Variants in PRR16 observed in about 807,000 individuals in gnomAD.
The protein encoded by PRR16 is proline rich 16, also known as protein Largen.
PRR16 carries 6 observed loss-of-function variants against 18.2 expected under a neutral mutation model. The ratio of observed to expected loss-of-function variants is 0.33; its 90% CI spans 0.18 to 0.65. The LOEUF (loss-of-function observed/expected upper bound fraction) is 0.65. PRR16 is among the 30% of genes least tolerant of loss of function. The pLI is 0.74. For missense variants in PRR16, 412 were observed against 376.6 expected (o/e 1.09, Z -0.78); for synonymous variants, 151 against 147.8 (o/e 1.02, Z -0.16).
chr5:120,484,435 C>A (rs901848688), intron 1 of PRR16, among the ~76,000 whole-genome samples: 1 of 140,384 alleles, frequency 7.1e-6, no homozygotes, highest in East Asian at 2.0e-4. Flanking sequence ...ATAATATATA[C>A]CTTATATGTT....
chr5:120,778,048 T>G, the PRR16 span, among the ~76,000 whole-genome samples: 1 of 152,270 alleles, frequency 6.6e-6, no homozygotes, highest in Admixed American at 6.5e-5. Flanking sequence ...TTAATAACAC[T>G]ATGTTATTAA....
the PRR16 span, among the ~76,000 whole-genome samples, chr5:120,766,295 G>C: frequency 2.0e-5 from 3 of 151,858 alleles, no homozygotes; most frequent in Non-Finnish European, 4.4e-5. Context: ...ATCTATTCTA[G>C]AGTATGTAGT....
the PRR16 span, among the ~76,000 whole-genome samples, chr5:120,747,619 C>T: frequency 5.3e-5 from 8 of 152,184 alleles, no homozygotes; most frequent in East Asian, 1.4e-3. Flanking sequence ...ACAATGAATG[C>T]CTGCAGATAC....
rs540395306 is a variant in PRR16, at chr5:120,484,526, T to C, written c.159+19881T>C. On this transcript the variant is annotated intron_variant, in intron 1 of 1. Transcript: ENST00000407149. ...TAATTATATATTGTATATATAAATG[T>C]ATGTACAATATGTCATATATAATTA... Among the ~76,000 whole-genome samples the C allele has an allele frequency of 3.2e-3, 471 of 145,654 alleles. 4 individuals carry two copies. The highest frequency in any genetic ancestry group is 0.011 in the African/African-American group (448 of 40,320).
intron 1 of PRR16, among the ~76,000 whole-genome samples, chr5:120,480,555 A>C (rs1749578568): frequency 6.6e-6 from 1 of 152,174 alleles, no homozygotes; most frequent in Non-Finnish European, 1.5e-5. Context: ...AGTACTATCT[A>C]ATGGAGTTAA....
the PRR16 span, among the ~76,000 whole-genome samples, chr5:120,744,212 A>G: frequency 6.6e-6 from 1 of 152,070 alleles, no homozygotes; most frequent in Non-Finnish European, 1.5e-5. Flanking sequence ...GTTAAGGAGG[A>G]CAAGTTGGTA....
chr5:120,789,746 A>T, the PRR16 span, among the ~76,000 whole-genome samples: 2 of 152,112 alleles, frequency 1.3e-5, no homozygotes, highest in African/African-American at 4.8e-5. Flanking sequence ...TTTGATAACT[A>T]AGTTATAAAA....
At chr5:120,638,397 A>C (rs13362045) in intron 1 of PRR16, among the ~76,000 whole-genome samples, 8,924 of 152,236 alleles carry the variant, frequency 0.059, 323 homozygotes, top group South Asian at 0.083. Flanking sequence ...AATGTATTTG[A>C]GCCATTTTTT....
chr5:120,760,060 C>T, the PRR16 span, among the ~76,000 whole-genome samples: 32 of 152,074 alleles, frequency 2.1e-4, no homozygotes, highest in Non-Finnish European at 1.0e-4. Context: ...CCTAAATATG[C>T]GTACTTGTTG....
chr5:120,635,769 A>G (rs1755207632), intron 1 of PRR16, among the ~76,000 whole-genome samples: 1 of 152,110 alleles, frequency 6.6e-6, no homozygotes, highest in Non-Finnish European at 1.5e-5. Context: ...TCCTAGCCAG[A>G]GCAATCAGAC....
At chr5:120,756,998 A>G in the PRR16 span, among the ~76,000 whole-genome samples, 1 of 151,966 alleles carries the variant, frequency 6.6e-6, no homozygotes, top group Non-Finnish European at 1.5e-5. Flanking sequence ...GTATATGGGG[A>G]CACGTAGGTA....
the PRR16 span, among the ~76,000 whole-genome samples, chr5:120,746,044 A>G: frequency 6.6e-6 from 1 of 151,800 alleles, no homozygotes; most frequent in Non-Finnish European, 1.5e-5. Context: ...TTAGTTTGGA[A>G]GCGGTGAAAT....
intron 1 of PRR16, among the ~76,000 whole-genome samples, chr5:120,618,122 A>T (rs1754574368): frequency 6.6e-6 from 1 of 152,180 alleles, no homozygotes; most frequent in Admixed American, 6.6e-5. Flanking sequence ...TAAAACCTGA[A>T]AGATGCCATG....
rs192856915 is a variant in PRR16, at chr5:120,655,552, A to G, written c.160-30402A>G. 1.8e-3 allele frequency among the ~76,000 whole-genome samples: 273 copies of G among 151,922 alleles called. 2 individuals are homozygous for G. Among genetic ancestry groups the G allele is most frequent in the Admixed American group, 4.1e-3 (62 of 15,186 alleles). Reference sequence around the variant, plus strand: ...GTAGTTTGACAATATCTGATAACCAAATTTAGTGCTTCATTTTCCCCCAAA... The same window carrying G: ...GTAGTTTGACAATATCTGATAACCAGATTTAGTGCTTCATTTTCCCCCAAA... On this transcript the variant is annotated intron_variant, in intron 1 of 1. Transcript: ENST00000407149.
intron 1 of PRR16, among the ~76,000 whole-genome samples, chr5:120,464,969 A>T (rs1410284668): frequency 6.6e-6 from 1 of 151,970 alleles, no homozygotes; most frequent in Non-Finnish European, 1.5e-5. Context: ...CGGCAGAGGA[A>T]GTCGTGAGCA....
intron 1 of PRR16, among the ~76,000 whole-genome samples, chr5:120,665,399 C>T (rs76952964): frequency 1.6e-4 from 24 of 151,394 alleles, no homozygotes; most frequent in African/African-American, 5.1e-4. Context: ...TTCTCCCATT[C>T]TGTAGGTTGC....
chr5:120,603,631 T>C (rs1196230595), intron 1 of PRR16, among the ~76,000 whole-genome samples: 1 of 151,964 alleles, frequency 6.6e-6, no homozygotes, highest in South Asian at 2.1e-4. Context: ...GTTTTTCTAG[T>C]TCCTCTAGGT....
At chr5:120,714,271 CTAATT>C in the PRR16 span, among the ~76,000 whole-genome samples, 2 of 152,148 alleles carry the variant, frequency 1.3e-5, no homozygotes, top group East Asian at 1.9e-4. Flanking sequence ...ATAATCTGAA[CTAATT>C]TAATATTCTG....
chr5:120,715,758 A>T, the PRR16 span, among the ~76,000 whole-genome samples: 1 of 152,204 alleles, frequency 6.6e-6, no homozygotes, highest in South Asian at 2.1e-4. Context: ...CAGGAGATAC[A>T]CTATATTTGG....
Sources: gnomAD v4.1 joint callset for allele counts (sites outside exome capture counted in the v4.1 genomes callset) on GRCh38, gnomAD v4.1.1 for gene constraint, MANE v1.5 for transcripts, NCBI Gene and HGNC (gene_info 2026-07-23, HGNC 2026-07-21) for gene names.